Variants in MCTP2 observed in about 807,000 individuals in gnomAD.
The protein encoded by MCTP2 is multiple C2 and transmembrane domain-containing protein 2.
In MCTP2, 132 loss-of-function variants were observed where a neutral mutation model predicts 111.6. The observed-to-expected ratio is 1.18, with a 90% CI of 1.03 to 1.37. The LOEUF is 1.37. Among genes scored for constraint, MCTP2 ranks in the 40% most tolerant of loss-of-function variants. MCTP2 has a pLI of 0.00. For synonymous variants in MCTP2, 395 were observed against 387.7 expected, an observed-to-expected ratio of 1.02 and a Z score of -0.22; for missense variants, 1,183 against 1,067.9, an observed-to-expected ratio of 1.11 and a Z score of -1.50.
intron 1 of MCTP2, among the ~76,000 whole-genome samples, chr15:94,274,674 A>C (rs906878465): frequency 6.6e-6 from 1 of 152,158 alleles, no homozygotes; most frequent in Admixed American, 6.5e-5. Flanking sequence ...ACAAAAGAGG[A>C]AGTAGAAATT....
intron 17 of MCTP2, among the ~76,000 whole-genome samples, chr15:94,418,133 G>A (rs1360156345): frequency 6.6e-6 from 1 of 152,080 alleles, no homozygotes; most frequent in Admixed American, 6.6e-5. Flanking sequence ...AGTCGTAAGT[G>A]TTATGTTTAA....
At chr15:94,460,541 C>T (rs1033229351) in intron 20 of MCTP2, among the ~76,000 whole-genome samples, 2 of 152,078 alleles carry the variant, frequency 1.3e-5, no homozygotes, top group African/African-American at 2.4e-5. Flanking sequence ...GGGGTCAAGA[C>T]CCAGGAAGGA....
At chr15:94,240,952 G>A (rs942510855) in intron 1 of MCTP2, among the ~76,000 whole-genome samples, 3 of 152,132 alleles carry the variant, frequency 2.0e-5, no homozygotes, top group African/African-American at 7.2e-5. Context: ...TTAGATCAAG[G>A]TACTTTTTTT....
intron 17 of MCTP2, among the ~76,000 whole-genome samples, chr15:94,419,403 G>A (rs1332746665): frequency 6.6e-6 from 1 of 152,126 alleles, no homozygotes; most frequent in Admixed American, 6.6e-5. Flanking sequence ...GGTACCGAGA[G>A]CATGACTTAG....
chr15:94,413,607 C>G (rs2082252840), intron 17 of MCTP2, among the ~76,000 whole-genome samples: 1 of 150,880 alleles, frequency 6.6e-6, no homozygotes, highest in South Asian at 2.1e-4. Context: ...CAGAGACATT[C>G]CTTCATATCA....
intron 2 of MCTP2, among the ~76,000 whole-genome samples, chr15:94,301,031 A>G (rs984537292): frequency 6.6e-6 from 1 of 152,184 alleles, no homozygotes; most frequent in Non-Finnish European, 1.5e-5. Context: ...CAGAAAGCTT[A>G]GAATAGGCAG....
At position 94,404,020 on chromosome 15, in the gene MCTP2, C is replaced by T. The variant is rs137991017; in HGVS notation, c.2085+2001C>T. 1.5e-3 allele frequency among the ~76,000 whole-genome samples: 222 copies of T among 152,270 alleles called. 3 individuals carry two copies. The East Asian group carries it at 0.037, about 26-fold the overall frequency. ...CTGAAAGTACTGGAATAAAAGTGCT[C>T]ACTTAAACTCGTTTTCAGTTTTAAT... is the stretch of plus-strand genomic sequence containing the variant. On this transcript the variant is annotated intron_variant, in intron 17 of 22. Coordinates refer to ENST00000357742, the MANE Select transcript of MCTP2 (RefSeq NM_001385001.1).
intron 17 of MCTP2, among the ~76,000 whole-genome samples, chr15:94,413,622 A>G (rs2082253796): frequency 6.6e-6 from 1 of 151,706 alleles, no homozygotes; most frequent in African/African-American, 2.4e-5. Flanking sequence ...ATATCATAGT[A>G]TCAAATCTAG....
intron 1 of MCTP2, among the ~76,000 whole-genome samples, chr15:94,243,947 ATG>A (rs566821495): frequency 4.1e-5 from 6 of 146,712 alleles, no homozygotes; most frequent in African/African-American, 7.5e-5. Flanking sequence ...ACATACATAT[ATG>A]TGTATATATT....
intron 10 of MCTP2, among the ~76,000 whole-genome samples, chr15:94,365,728 TG>T (rs2079149479): frequency 6.6e-6 from 1 of 152,156 alleles, no homozygotes; most frequent in Admixed American, 6.5e-5. Flanking sequence ...TCAGAGCACT[TG>T]TATCTAAATA....
At chr15:94,282,253 T>G (rs1196546539) in intron 1 of MCTP2, among the ~76,000 whole-genome samples, 1 of 152,216 alleles carries the variant, frequency 6.6e-6, no homozygotes, top group African/African-American at 2.4e-5. Context: ...TAAAATTCTC[T>G]TTTCTTTATC....
intron 1 of MCTP2, among the ~76,000 whole-genome samples, chr15:94,289,944 A>C (rs937260219): frequency 1.3e-5 from 2 of 152,172 alleles, no homozygotes; most frequent in African/African-American, 2.4e-5. Context: ...AAAACAAAAT[A>C]GTGGGATGCA....
chr15:94,245,437 TATAC>T (rs1477878292), intron 1 of MCTP2, among the ~76,000 whole-genome samples: 7 of 138,712 alleles, frequency 5.0e-5, no homozygotes, highest in African/African-American at 1.0e-4. Context: ...TATATTTATA[TATAC>T]ACATATATGT....
rs150747041 is a variant in MCTP2, at chr15:94,460,334, C to T, written c.2360+2088C>T. Among the ~76,000 whole-genome samples, 10 of 152,240 alleles carry T rather than the reference C, an allele frequency of 6.6e-5. No individual in the cohort carries two copies. The East Asian group carries it at 7.7e-4, about 12-fold the overall frequency. ...CAGTAGTGGAGAGCCCTTGTGCAAA[C>T]GCTCAAAGCCCAAGACTATGTGGGA... On this transcript the variant is annotated intron_variant, in intron 20 of 22. Coordinates refer to ENST00000357742, the MANE Select transcript of MCTP2 (RefSeq NM_001385001.1).
At chr15:94,291,676 T>C (rs1355603669) in intron 1 of MCTP2, among the ~76,000 whole-genome samples, 1 of 151,814 alleles carries the variant, frequency 6.6e-6, no homozygotes. Flanking sequence ...AGTTTCAAGA[T>C]AAATTAGAAA....
chr15:94,301,333 G>T (rs1214915292), intron 2 of MCTP2, among the ~76,000 whole-genome samples: 1 of 152,046 alleles, frequency 6.6e-6, no homozygotes, highest in Non-Finnish European at 1.5e-5. Flanking sequence ...CCTCCTCACC[G>T]GCTCCTCCCC....
intron 17 of MCTP2, among the ~76,000 whole-genome samples, chr15:94,420,406 G>A (rs560232109): frequency 1.1e-4 from 16 of 152,108 alleles, no homozygotes; most frequent in South Asian, 4.1e-4. Context: ...AATGATAGCC[G>A]TCATTGATTG....
chr15:94,298,781 T>TC, intron 2 of MCTP2, 51 bp downstream of exon 2: 2 of 1,188,198 alleles, frequency 1.7e-6, no homozygotes, highest in South Asian at 1.5e-5. Flanking sequence ...TCTCTCTCTC[T>TC]TTCCCTCTCT....
At chr15:94,247,368 C>T (rs984051542) in intron 1 of MCTP2, among the ~76,000 whole-genome samples, 13 of 152,066 alleles carry the variant, frequency 8.5e-5, no homozygotes, top group African/African-American at 2.7e-4. Context: ...GGATTTCTGC[C>T]TATTAAGATC....
Sources: allele counts gnomAD v4.1 joint callset (sites outside exome capture counted in the v4.1 genomes callset), GRCh38; gene constraint gnomAD v4.1.1; transcripts MANE v1.5; gene names NCBI Gene and HGNC (gene_info 2026-07-23, HGNC 2026-07-21).